SERGEF: variants seen among roughly 807,000 people sequenced by gnomAD.
SERGEF encodes secretion regulating guanine nucleotide exchange factor, also known as secretion-regulating guanine nucleotide exchange factor.
SERGEF carries 51 observed loss-of-function variants against 50.0 expected under a neutral mutation model. The observed-to-expected ratio is 1.02, with a 90% CI of 0.81 to 1.29. The LOEUF (loss-of-function observed/expected upper bound fraction) is 1.29, where lower values mean the gene tolerates loss of function less well. SERGEF is among the 50% of genes most tolerant of loss of function. SERGEF has a pLI of 0.00. For missense variants in SERGEF, 521 were observed against 557.0 expected (o/e 0.94, Z 0.65); for synonymous variants, 205 against 212.4 (o/e 0.97, Z 0.30).
intron 10 of SERGEF, among the ~76,000 whole-genome samples, chr11:17,850,725 T>A (rs1850695773): frequency 1.3e-5 from 2 of 152,246 alleles, no homozygotes; most frequent in Admixed American, 6.5e-5. Context: ...CATGGCTCCC[T>A]GGGATATTTT....
rs767690250 is a variant in SERGEF at position 17,878,257 on chromosome 11, A to G, written c.1012-13T>C. ...AGCCACAAGAGACCTGTAAAAAAAA[A>G]AAAAGACAAAGAAAATGGATAGATA... is the stretch of plus-strand genomic sequence containing the variant. On this transcript the variant is annotated splice_polypyrimidine_tract_variant and intron_variant, in intron 9 of 10. Transcript: ENST00000265965. 5.8e-6 allele frequency: 9 copies of G among 1,563,048 alleles called. No individual in the cohort carries two copies. In the East Asian group the frequency reaches 1.8e-4, roughly 31 times the overall value.
chr11:17,941,545 T>C (rs185120963), intron 9 of SERGEF, among the ~76,000 whole-genome samples: 29 of 152,362 alleles, frequency 1.9e-4, no homozygotes, highest in African/African-American at 6.7e-4. Context: ...GATGGACACT[T>C]GGGTTGCTTC....
At chr11:17,856,429 GA>G (rs1850819883) in intron 10 of SERGEF, 1 of 152,178 alleles carries the variant, frequency 6.6e-6, no homozygotes, top group South Asian at 2.1e-4. Context: ...CAGAAAAAGT[GA>G]AATGGTCCCC....
intron 5 of SERGEF, 135 bp downstream of exon 5, chr11:18,000,362 C>A: frequency 3.3e-6 from 2 of 600,228 alleles, no homozygotes; most frequent in Non-Finnish European, 5.8e-6. Context: ...GGCAGTTAGA[C>A]AGCTTGGGCT....
chr11:17,910,695 C>T lies in SERGEF; in HGVS notation c.1012-32451G>A, dbSNP rs536105519. On this transcript the variant is annotated intron_variant, in intron 9 of 10. Coordinates refer to ENST00000265965, the MANE Select transcript of SERGEF (RefSeq NM_012139.4). ...AAACCAACTATATGCCCAGCATAGG[C>T]GAAGAGGACATAGAGAAAAAAAATC... Among the ~76,000 whole-genome samples, 20 of 151,896 alleles carry T rather than the reference C, an allele frequency of 1.3e-4. No homozygotes were observed. In the East Asian group the frequency reaches 2.7e-3, roughly 21 times the overall value.
intron 9 of SERGEF, among the ~76,000 whole-genome samples, chr11:17,903,014 C>A (rs534738386): frequency 2.0e-5 from 3 of 152,162 alleles, no homozygotes; most frequent in Non-Finnish European, 4.4e-5. Flanking sequence ...TGGCTTTCCT[C>A]GGAAGGATAA....
chr11:17,790,772 A>G (rs963312330), intron 10 of SERGEF, among the ~76,000 whole-genome samples: 2 of 152,196 alleles, frequency 1.3e-5, no homozygotes, highest in Admixed American at 1.3e-4. Context: ...AACAATAGAT[A>G]TGAATTTGTT....
At chr11:17,935,282 T>C (rs1852429402) in intron 9 of SERGEF, among the ~76,000 whole-genome samples, 1 of 152,198 alleles carries the variant, frequency 6.6e-6, no homozygotes, top group African/African-American at 2.4e-5. Context: ...AGTTTGAGAC[T>C]AACCTCAGAC....
At chr11:17,908,052 A>G (rs1851883317) in intron 9 of SERGEF, among the ~76,000 whole-genome samples, 1 of 152,114 alleles carries the variant, frequency 6.6e-6, no homozygotes, top group Non-Finnish European at 1.5e-5. Flanking sequence ...TTAGCCCTCA[A>G]TCACTGTCAC....
chr11:17,954,369 C>T (rs973134637), intron 9 of SERGEF, among the ~76,000 whole-genome samples: 1 of 152,138 alleles, frequency 6.6e-6, no homozygotes, highest in African/African-American at 2.4e-5. Context: ...GACAAAGACG[C>T]CCTGGAAACT....
chr11:18,002,076 A>T (rs1853974445), intron 4 of SERGEF: 2 of 455,578 alleles, frequency 4.4e-6, no homozygotes, highest in Admixed American at 2.4e-5. Context: ...TGGAGTCCAC[A>T]ATCACATTAG....
chr11:17,799,715 T>C (rs1025910737), intron 10 of SERGEF, among the ~76,000 whole-genome samples: 6 of 152,198 alleles, frequency 3.9e-5, no homozygotes, highest in African/African-American at 1.4e-4. Context: ...TGCAGGAAGA[T>C]TAGGGTACTA....
intron 9 of SERGEF, among the ~76,000 whole-genome samples, chr11:17,921,217 C>A (rs1852149995): frequency 6.6e-6 from 1 of 152,148 alleles, no homozygotes; most frequent in South Asian, 2.1e-4. Flanking sequence ...TGTGAAACTG[C>A]AAAATTAAAA....
chr11:17,988,911 C>T (rs1213597562), intron 7 of SERGEF, among the ~76,000 whole-genome samples, 156 bp from the exon 8 acceptor site: 3 of 152,150 alleles, frequency 2.0e-5, no homozygotes, highest in Non-Finnish European at 2.9e-5. Context: ...AATTTGTGTA[C>T]ACCATAATAA....
intron 3 of SERGEF, among the ~76,000 whole-genome samples, chr11:18,006,297 T>C (rs991129758): frequency 1.3e-5 from 2 of 152,216 alleles, no homozygotes; most frequent in Non-Finnish European, 2.9e-5. Context: ...TAGCTGGGAC[T>C]ACAGAGTAGC....
intron 10 of SERGEF, among the ~76,000 whole-genome samples, chr11:17,797,181 T>C (rs969627644): frequency 1.3e-5 from 2 of 152,230 alleles, no homozygotes; most frequent in East Asian, 1.9e-4. Context: ...ACACAGCAAC[T>C]TGAGTGATTG....
chr11:17,925,033 C>T (rs766476713), intron 9 of SERGEF, among the ~76,000 whole-genome samples: 61 of 152,238 alleles, frequency 4.0e-4, no homozygotes, highest in Admixed American at 4.6e-4. Context: ...GGAGTTCCAC[C>T]GACAAAATCT....
chr11:17,833,551 G>A (rs929378061), intron 10 of SERGEF, among the ~76,000 whole-genome samples: 2 of 152,200 alleles, frequency 1.3e-5, no homozygotes, highest in Middle Eastern at 3.2e-3. Context: ...AACCCAGAAT[G>A]GTGGATCCAA....
intron 4 of SERGEF, 86 bp from the exon 5 acceptor site, chr11:18,000,643 G>T (rs978550934): frequency 5.1e-5 from 49 of 969,160 alleles, no homozygotes; most frequent in Admixed American, 9.7e-5. Flanking sequence ...AATGCAGTAC[G>T]GTCCTCATTA....
Sources: gnomAD v4.1 joint callset for allele counts (sites outside exome capture counted in the v4.1 genomes callset) on GRCh38, gnomAD v4.1.1 for gene constraint, MANE v1.5 for transcripts, NCBI Gene and HGNC (gene_info 2026-07-23, HGNC 2026-07-21) for gene names.